The following SETD2 variants were observed in gnomAD, a reference collection of about 807,000 sequenced individuals.
The protein encoded by SETD2 is histone-lysine N-methyltransferase SETD2.
A neutral mutation model predicts 242.1 loss-of-function variants in SETD2; 31 were observed. The observed-to-expected ratio is 0.13, with a 90% confidence interval of 0.10 to 0.17. The LOEUF is 0.17. SETD2 is among the 10% of genes least tolerant of loss of function. The probability of loss-of-function intolerance (pLI) is 1.00; values close to 1 mark genes in which losing one functional copy is unlikely to be tolerated. For synonymous variants in SETD2, 1,006 were observed against 1,066.5 expected (o/e 0.94, Z 1.11); for missense variants, 2,481 against 3,046.3 (o/e 0.81, Z 4.37).
chr3:47,141,684 T>C (rs1191887183), intron 1 of SETD2, among the ~76,000 whole-genome samples: 3 of 152,192 alleles, frequency 2.0e-5, no homozygotes, highest in Non-Finnish European at 4.4e-5. Flanking sequence ...AAAAAATGTG[T>C]GGGCTGCTTT....
rs1472348265 is a variant in SETD2 at position 47,102,274 on chromosome 3, G to A, written c.4918-719C>T. 2.0e-5 allele frequency among the ~76,000 whole-genome samples: 3 copies of A among 152,290 alleles called. No homozygotes were observed. In the East Asian group the frequency reaches 5.8e-4, roughly 29 times the overall value. On this transcript the variant is annotated intron_variant, in intron 7 of 20. Transcript: ENST00000409792. The stretch of plus-strand genomic sequence containing the variant: ...TGAGAGTCTCACAGCTAGACATGTG[G>A]CCACCAGCTCTGGCAGAACTATAAC...
chr3:47,148,366 G>A (rs1258299624), intron 1 of SETD2, among the ~76,000 whole-genome samples: 1 of 151,954 alleles, frequency 6.6e-6, no homozygotes, highest in Non-Finnish European at 1.5e-5. Flanking sequence ...CCTGACCTCA[G>A]GGGATCCGCC....
chr3:47,019,622 C>T, intron 19 of SETD2, 138 bp downstream of exon 19: 1 of 694,528 alleles, frequency 1.4e-6, no homozygotes, highest in Non-Finnish European at 2.5e-6. Flanking sequence ...AGCACTTCAG[C>T]AAGACATACA....
intron 1 of SETD2, 117 bp downstream of exon 1, chr3:47,163,737 C>A: frequency 1.0e-6 from 1 of 1,002,812 alleles, no homozygotes; most frequent in Non-Finnish European, 1.3e-6. Context: ...CCGCGCGAGG[C>A]CACCGTGGGC....
chr3:47,042,177 C>T (rs549529466), intron 17 of SETD2, among the ~76,000 whole-genome samples: 22 of 152,232 alleles, frequency 1.4e-4, no homozygotes, highest in African/African-American at 4.6e-4. Flanking sequence ...GACCAACATA[C>T]ATGGTGAAAC....
Position 47,088,207 on chromosome 3 carries a change from C to T in SETD2, c.5183G>A (p.Gly1728Asp), listed in dbSNP as rs867505169. Residue 1728 changes from glycine to aspartate, a missense_variant, in exon 10 of 21, where the codon GGT becomes GAT. Physicochemically the swap from Gly to Asp is moderately conservative, Grantham distance 94. Around this residue, in one of 17 missense-constraint regions of SETD2, gnomAD observed 62 missense variants for 136.7 expected, o/e 0.45. Transcript: ENST00000409792. ...GAGCACCTGGTTTTTATCAGAGAGA[C>T]CCTCACCATTTTCCATCAGAGCTTC... ...ELEALMENGE[G>D]LSDKNQVLSL... is the part of the protein sequence containing the mutation. 6.2e-7 allele frequency: 1 copy of T among 1,613,484 alleles called. No homozygotes were observed. Among genetic ancestry groups the T allele is most frequent in the Non-Finnish European group, 8.5e-7 (1 of 1,179,762 alleles).
At chr3:47,132,683 T>C (rs887005264) in intron 1 of SETD2, among the ~76,000 whole-genome samples, 5 of 152,150 alleles carry the variant, frequency 3.3e-5, no homozygotes, top group African/African-American at 9.7e-5. Context: ...AAATCAGAAA[T>C]AGCTTTTTAC....
intron 13 of SETD2, among the ~76,000 whole-genome samples, chr3:47,064,399 T>C (rs1280469775): frequency 2.0e-5 from 3 of 152,236 alleles, no homozygotes; most frequent in African/African-American, 7.2e-5. Context: ...ATTAGCACTA[T>C]ATCCTTTTAT....
intron 12 of SETD2, among the ~76,000 whole-genome samples, chr3:47,079,915 C>G (rs1187349725): frequency 6.6e-6 from 1 of 152,150 alleles, no homozygotes; most frequent in Non-Finnish European, 1.5e-5. Context: ...GCTAAAACAG[C>G]ATTCTTTAGG....
At chr3:47,146,955 T>C (rs62246447) in intron 1 of SETD2, among the ~76,000 whole-genome samples, 1 of 151,664 alleles carries the variant, frequency 6.6e-6, no homozygotes, top group Non-Finnish European at 1.5e-5. Flanking sequence ...AAAAAAAAAT[T>C]CCTTCATATA....
At chr3:47,060,647 A>C (rs1015103385) in intron 14 of SETD2, among the ~76,000 whole-genome samples, 2 of 152,194 alleles carry the variant, frequency 1.3e-5, no homozygotes, top group African/African-American at 4.8e-5. Context: ...TTAAGGATTT[A>C]ATTCTCTTAA....
chr3:47,042,635 G>A lies in SETD2; in HGVS notation c.7164C>T (p.Thr2388=), dbSNP rs144752494. Reference sequence around the variant, plus strand: ...TCTTCCAGTTGGGAGGTAAGACAATGGTTTTTGGTTTGGGAGGAGAGGGGG... The same window carrying A: ...TCTTCCAGTTGGGAGGTAAGACAATAGTTTTTGGTTTGGGAGGAGAGGGGG... ...LPPPSPPKPK[T]IVLPPNWKTA... Residue 2388 remains threonine (T), a synonymous_variant, in exon 17 of 21, where the codon ACC becomes ACT. Coordinates refer to ENST00000409792, the MANE Select transcript of SETD2 (RefSeq NM_014159.7). 7.3e-4 allele frequency: 1,179 copies of A among 1,613,428 alleles called. 1 individual carries two copies. Among genetic ancestry groups the A allele is most frequent in the Non-Finnish European group, 9.6e-4 (1,132 of 1,179,748 alleles).
chr3:47,077,660 C>T (rs963861907), intron 12 of SETD2, among the ~76,000 whole-genome samples: 21 of 152,072 alleles, frequency 1.4e-4, no homozygotes, highest in East Asian at 7.7e-4. Flanking sequence ...GTCCTAGTAT[C>T]GACAACTTCA....
chr3:47,058,457 A>AC (rs1192647261), intron 14 of SETD2, among the ~76,000 whole-genome samples: 4 of 148,914 alleles, frequency 2.7e-5, no homozygotes, highest in African/African-American at 5.0e-5. Context: ...AAAAAAAAAA[A>AC]AAAAAAACAC....
chr3:47,023,491 G>A (rs1344336054), intron 18 of SETD2, among the ~76,000 whole-genome samples: 1 of 152,126 alleles, frequency 6.6e-6, no homozygotes, highest in Non-Finnish European at 1.5e-5. Flanking sequence ...TCCAGAAGCA[G>A]GAGGAGAAGC....
chr3:47,048,898 C>T (rs1349165118), intron 15 of SETD2, among the ~76,000 whole-genome samples: 1 of 151,944 alleles, frequency 6.6e-6, no homozygotes, highest in Non-Finnish European at 1.5e-5. Flanking sequence ...CATCTCCTAA[C>T]CTTGTGATCT....
At chr3:47,050,435 G>A (rs1218871082) in intron 15 of SETD2, among the ~76,000 whole-genome samples, 1 of 152,048 alleles carries the variant, frequency 6.6e-6, no homozygotes, top group Non-Finnish European at 1.5e-5. Context: ...TGACCAAAAC[G>A]CCATTGCATG....
intron 12 of SETD2, among the ~76,000 whole-genome samples, chr3:47,077,036 A>C (rs1435000304): frequency 6.6e-6 from 1 of 152,196 alleles, no homozygotes; most frequent in African/African-American, 2.4e-5. Flanking sequence ...TAAAAGTGTA[A>C]GTAAGAAATG....
intron 9 of SETD2, among the ~76,000 whole-genome samples, chr3:47,096,124 C>T (rs553804937): frequency 6.6e-6 from 1 of 152,276 alleles, no homozygotes; most frequent in South Asian, 2.1e-4. Flanking sequence ...GCAGAAACAT[C>T]TATTGTTATG....
Sources: gnomAD v4.1 joint callset for allele counts (sites outside exome capture counted in the v4.1 genomes callset) on GRCh38, gnomAD v4.1.1 for gene constraint, gnomAD v4.1.1 regional missense constraint, MANE v1.5 for transcripts, NCBI Gene and HGNC (gene_info 2026-07-23, HGNC 2026-07-21) for gene names.